Variants in NALCN observed in about 807,000 individuals in gnomAD.
The protein encoded by NALCN is sodium leak channel NALCN.
Under a neutral mutation model 225.3 loss-of-function variants are expected in NALCN, and 111 were observed. The observed-to-expected ratio is 0.49, with a 90% CI of 0.42 to 0.58. The LOEUF is 0.58. NALCN is among the 20% of genes least tolerant of loss of function. The pLI is 0.00. For synonymous variants in NALCN, 764 were observed against 769.0 expected, an observed-to-expected ratio of 0.99 and a Z score of 0.11; for missense variants, 1,378 against 2,202.4, an observed-to-expected ratio of 0.63 and a Z score of 7.49.
At chr13:101,352,703 A>T (rs1297241515) in intron 6 of NALCN, among the ~76,000 whole-genome samples, 1 of 152,228 alleles carries the variant, frequency 6.6e-6, no homozygotes, top group Non-Finnish European at 1.5e-5. Context: ...GTGAGAAAGG[A>T]CAAAAAAGGT....
At chr13:101,293,801 A>G (rs1277553625) in intron 7 of NALCN, among the ~76,000 whole-genome samples, 2 of 152,244 alleles carry the variant, frequency 1.3e-5, no homozygotes, top group Non-Finnish European at 2.9e-5. Flanking sequence ...GTGCAGTCCT[A>G]TCGCCTATTA....
At chr13:101,379,663 C>CA (rs2046792564) in intron 3 of NALCN, among the ~76,000 whole-genome samples, 1 of 151,890 alleles carries the variant, frequency 6.6e-6, no homozygotes, top group Non-Finnish European at 1.5e-5. Context: ...GGGAGTCGAA[C>CA]AATGAGAACA....
rs1171164943 is a variant in NALCN, at chr13:101,176,455, A to G, written c.1765-81T>C. 25 of 959,892 alleles carry G rather than the reference A, an allele frequency of 2.6e-5. No individual in the cohort carries two copies. The Admixed American group carries it at 7.2e-4, about 27-fold the overall frequency. The allele number at this position is 959,892 out of a possible 1,614,324, so 59.5% of individuals were successfully genotyped here. A position where few individuals can be genotyped will look rare whatever the true frequency, so the allele number is the denominator to read the frequency against. On this transcript the variant is annotated intron_variant, in intron 14 of 43. Coordinates refer to ENST00000251127, the MANE Select transcript of NALCN (RefSeq NM_052867.4). ...TTATATGTATAATATAGCTACCTAA[A>G]ATATATTGAGTATATAATTCATTAA...
chr13:101,065,495 G>T lies in NALCN; in HGVS notation c.4513C>A (p.Leu1505Met), dbSNP rs772347878. 2 of 1,614,158 alleles carry T rather than the reference G, an allele frequency of 1.2e-6. No homozygotes were observed. Among genetic ancestry groups the T allele is most frequent in the Non-Finnish European group, 1.7e-6 (2 of 1,180,030 alleles). The change falls in exon 40 of 44, where the codon CTG (leucine) becomes ATG (methionine). Residue 1505 changes from leucine to methionine, a missense_variant. This residue lies in a region of NALCN where 94 missense variants were observed against 170.3 expected (regional missense o/e 0.55). Coordinates refer to ENST00000251127, the MANE Select transcript of NALCN (RefSeq NM_052867.4). The part of the protein sequence containing the change: ...RLLRGRLEVD[L>M]DKDKLLFKHM... Reference sequence around the variant, plus strand: ...TTAAACAGGAGCTTGTCCTTGTCCAGGTCCACCTCCAGCCTCCCACGCAGT... The same window carrying T: ...TTAAACAGGAGCTTGTCCTTGTCCATGTCCACCTCCAGCCTCCCACGCAGT...
At chr13:101,301,730 AGAC>A (rs2043977740) in intron 7 of NALCN, among the ~76,000 whole-genome samples, 1 of 145,518 alleles carries the variant, frequency 6.9e-6, no homozygotes. Context: ...CAAAAAAAAA[AGAC>A]AAGACAAGAA....
chr13:101,403,473 T>C (rs1708351815), intron 1 of NALCN, among the ~76,000 whole-genome samples: 1 of 152,202 alleles, frequency 6.6e-6, no homozygotes, highest in African/African-American at 2.4e-5. Flanking sequence ...CATCAGTCTT[T>C]CCTAATTCCC....
intron 7 of NALCN, among the ~76,000 whole-genome samples, chr13:101,303,397 G>A (rs1260096222): frequency 1.3e-5 from 2 of 152,158 alleles, no homozygotes; most frequent in East Asian, 3.9e-4. Flanking sequence ...AGCACAGAGA[G>A]AGGCTGAATT....
chr13:101,225,390 T>C (rs1235569705), intron 13 of NALCN, among the ~76,000 whole-genome samples: 1 of 152,218 alleles, frequency 6.6e-6, no homozygotes, highest in Non-Finnish European at 1.5e-5. Context: ...CTTCACCTGT[T>C]CCATTCATCC....
chr13:101,180,939 C>A (rs1889240), intron 14 of NALCN: 1 of 414,718 alleles, frequency 2.4e-6, no homozygotes, highest in East Asian at 5.7e-5. Context: ...AATTGGAGAG[C>A]GGATGGGAAG....
intron 10 of NALCN, among the ~76,000 whole-genome samples, chr13:101,262,166 T>C (rs912873486): frequency 5.3e-5 from 8 of 152,250 alleles, no homozygotes; most frequent in Non-Finnish European, 1.0e-4. Flanking sequence ...TTTGCATATG[T>C]TGAATCATCC....
chr13:101,377,487 G>T (rs1346325779), intron 4 of NALCN, among the ~76,000 whole-genome samples: 1 of 152,106 alleles, frequency 6.6e-6, no homozygotes, highest in Non-Finnish European at 1.5e-5. Context: ...TGAAATGTTT[G>T]TCAATCACAT....
intron 7 of NALCN, among the ~76,000 whole-genome samples, chr13:101,339,710 A>C (rs1236416413): frequency 2.6e-5 from 4 of 152,174 alleles, no homozygotes; most frequent in Non-Finnish European, 5.9e-5. Context: ...ACAGATTCGA[A>C]TGTATATGGA....
At chr13:101,214,282 C>T (rs562603030) in intron 13 of NALCN, among the ~76,000 whole-genome samples, 2 of 149,688 alleles carry the variant, frequency 1.3e-5, no homozygotes, top group East Asian at 4.0e-4. Context: ...ATATCACACT[C>T]CAGGGCCTGT....
intron 3 of NALCN, among the ~76,000 whole-genome samples, chr13:101,383,110 T>C (rs1219800765): frequency 6.6e-6 from 1 of 152,206 alleles, no homozygotes; most frequent in Non-Finnish European, 1.5e-5. Flanking sequence ...TTCATTGTTT[T>C]TCATGCTGTC....
intron 11 of NALCN, among the ~76,000 whole-genome samples, chr13:101,256,464 T>A (rs1018543479): frequency 2.6e-5 from 4 of 152,228 alleles, no homozygotes; most frequent in African/African-American, 9.6e-5. Flanking sequence ...CCTCTTCTTA[T>A]ACAGGGCTAA....
In NALCN at chr13:101,243,082, G is replaced by C. The variant is rs1462296228; in HGVS notation, c.1267-5160C>G. Among the ~76,000 whole-genome samples, 7 of 66,558 alleles carry C rather than the reference G, an allele frequency of 1.1e-4. 3 individuals carry two copies. Among genetic ancestry groups the C allele is most frequent in the Non-Finnish European group, 2.1e-4 (7 of 33,018 alleles). The allele number at this position is 66,558 out of a possible 152,430, so 43.7% of individuals were successfully genotyped here. ...AAAATTTAGTGAGCTCTTTCAGTTT[G>C]CAGATTTATGTTTTTTTTTTTTTTT... On this transcript the variant is annotated intron_variant, in intron 11 of 43. Coordinates refer to ENST00000251127, the MANE Select transcript of NALCN (RefSeq NM_052867.4).
intron 18 of NALCN, 84 bp from the exon 19 acceptor site, chr13:101,111,310 A>G: frequency 8.4e-7 from 1 of 1,194,476 alleles, no homozygotes. Context: ...TACTTTTATT[A>G]TTTTAAAGGC....
intron 13 of NALCN, among the ~76,000 whole-genome samples, chr13:101,221,954 A>T (rs751147976): frequency 6.6e-6 from 1 of 152,156 alleles, no homozygotes; most frequent in Non-Finnish European, 1.5e-5. Flanking sequence ...ATCTTGACCA[A>T]CCACTCACTC....
At chr13:101,225,465 C>T (rs773091730) in intron 13 of NALCN, among the ~76,000 whole-genome samples, 1 of 152,160 alleles carries the variant, frequency 6.6e-6, no homozygotes, top group Non-Finnish European at 1.5e-5. Flanking sequence ...GTATAACCTC[C>T]GGGCTTGGAT....
Sources: allele counts gnomAD v4.1 joint callset (sites outside exome capture counted in the v4.1 genomes callset), GRCh38; gene constraint gnomAD v4.1.1; regional missense constraint gnomAD v4.1.1; transcripts MANE v1.5; gene names NCBI Gene and HGNC (gene_info 2026-07-23, HGNC 2026-07-21).